The following RASGEF1A variants were observed in gnomAD, a reference collection of about 807,000 sequenced individuals.
The protein encoded by RASGEF1A is RasGEF domain family member 1A, also known as ras-GEF domain-containing family member 1A.
RASGEF1A carries 18 observed loss-of-function variants against 56.4 expected under a neutral mutation model. That is an observed-to-expected ratio of 0.32 (90% CI 0.22 to 0.47). The LOEUF is 0.47. RASGEF1A is among the 20% of genes least tolerant of loss of function. RASGEF1A has a pLI of 1.00. For synonymous variants in RASGEF1A, 245 were observed against 242.6 expected, an observed-to-expected ratio of 1.01 and a Z score of -0.09; for missense variants, 422 against 627.1, an observed-to-expected ratio of 0.67 and a Z score of 3.49.
chr10:43,218,391 G>T (rs1447806115), intron 1 of RASGEF1A, among the ~76,000 whole-genome samples: 3 of 152,266 alleles, frequency 2.0e-5, no homozygotes, highest in African/African-American at 4.8e-5. Flanking sequence ...TCCCAGGCAT[G>T]GGGGACTCAG....
chr10:43,265,718 G>A (rs150331146), intron 1 of RASGEF1A, among the ~76,000 whole-genome samples: 39 of 152,374 alleles, frequency 2.6e-4, no homozygotes, highest in African/African-American at 9.4e-4. Context: ...CGTGGTTCAC[G>A]AATCAAGACC....
chr10:43,233,270 T>C (rs1840394243), intron 1 of RASGEF1A, among the ~76,000 whole-genome samples: 1 of 152,206 alleles, frequency 6.6e-6, no homozygotes, highest in Admixed American at 6.5e-5. Context: ...AACATGTCTA[T>C]GCACAGAGGC....
chr10:43,239,012 A>C (rs752332090), intron 1 of RASGEF1A, among the ~76,000 whole-genome samples: 3 of 152,184 alleles, frequency 2.0e-5, no homozygotes, highest in African/African-American at 4.8e-5. Context: ...TATTCATTCT[A>C]ATCAGTGGTG....
intron 1 of RASGEF1A, among the ~76,000 whole-genome samples, chr10:43,214,758 G>A (rs1840111501): frequency 6.6e-6 from 1 of 152,202 alleles, no homozygotes; most frequent in South Asian, 2.1e-4. Flanking sequence ...TCCAAAGCAG[G>A]GATTAACCTT....
At chr10:43,235,815 C>T (rs763317701) in intron 1 of RASGEF1A, among the ~76,000 whole-genome samples, 1 of 151,904 alleles carries the variant, frequency 6.6e-6, no homozygotes, top group South Asian at 2.1e-4. Context: ...ATGCCCAGCA[C>T]AATGGGACCC....
At chr10:43,249,466 G>T (rs1419502068) in intron 1 of RASGEF1A, among the ~76,000 whole-genome samples, 1 of 152,224 alleles carries the variant, frequency 6.6e-6, no homozygotes, top group Admixed American at 6.5e-5. Context: ...CACTTCCGTG[G>T]CTCCAAGAAG....
chr10:43,230,728 C>T (rs1377895954), intron 1 of RASGEF1A, among the ~76,000 whole-genome samples: 1 of 152,198 alleles, frequency 6.6e-6, no homozygotes, highest in Non-Finnish European at 1.5e-5. Context: ...CCCCAGGATG[C>T]CCATACCCTC....
At chr10:43,197,810 C>T (rs1223362863) in intron 10 of RASGEF1A, among the ~76,000 whole-genome samples, 194 bp downstream of exon 10, 1 of 152,212 alleles carries the variant, frequency 6.6e-6, no homozygotes, top group Non-Finnish European at 1.5e-5. Flanking sequence ...CCCAGAAGTA[C>T]CGGCAGGCGC....
At chr10:43,260,987 A>C (rs898719214) in intron 1 of RASGEF1A, among the ~76,000 whole-genome samples, 11 of 152,144 alleles carry the variant, frequency 7.2e-5, no homozygotes, top group African/African-American at 2.7e-4. Flanking sequence ...TTGTGCGGGC[A>C]TCTCCGAGCC....
intron 1 of RASGEF1A, among the ~76,000 whole-genome samples, chr10:43,256,435 A>G (rs1010708706): frequency 6.6e-6 from 1 of 152,120 alleles, no homozygotes; most frequent in African/African-American, 2.4e-5. Flanking sequence ...CAGGAACCTC[A>G]GGGAAAGAAA....
At chr10:43,234,975 T>C (rs61845680) in intron 1 of RASGEF1A, among the ~76,000 whole-genome samples, 6,963 of 152,268 alleles carry the variant, frequency 0.046, 217 homozygotes, top group Middle Eastern at 0.11. Flanking sequence ...CAGAGGCCAC[T>C]GATGGCCCTA....
intron 1 of RASGEF1A, among the ~76,000 whole-genome samples, chr10:43,251,940 C>T (rs904866086): frequency 3.3e-5 from 5 of 152,312 alleles, no homozygotes; most frequent in Admixed American, 1.3e-4. Context: ...CCCAACAAGA[C>T]GGACCCCTGG....
chr10:43,200,603 T>C (rs1839879009), intron 5 of RASGEF1A, 64 bp downstream of exon 5: 3 of 1,437,312 alleles, frequency 2.1e-6, no homozygotes, highest in African/African-American at 2.8e-5. Context: ...TGAAGTGCTG[T>C]GCTGAAAGAG....
intron 2 of RASGEF1A, 77 bp downstream of exon 2, chr10:43,205,842 C>A (rs969963292): frequency 8.2e-7 from 1 of 1,225,034 alleles, no homozygotes; most frequent in South Asian, 1.3e-5. Flanking sequence ...TCTGTGGGGG[C>A]CTCCCTCCCA....
chr10:43,264,739 G>T (rs534832981), intron 1 of RASGEF1A, among the ~76,000 whole-genome samples: 1 of 152,024 alleles, frequency 6.6e-6, no homozygotes, highest in African/African-American at 2.4e-5. Flanking sequence ...CTATGCCCCT[G>T]GCACCTACCC....
chr10:43,251,562 G>T (rs536066206), intron 1 of RASGEF1A, among the ~76,000 whole-genome samples: 1 of 152,190 alleles, frequency 6.6e-6, no homozygotes, highest in African/African-American at 2.4e-5. Flanking sequence ...GACGCCAGCC[G>T]CTGTGAAAAT....
intron 1 of RASGEF1A, among the ~76,000 whole-genome samples, chr10:43,226,439 AAAAAG>A (rs1177832669): frequency 6.6e-6 from 1 of 152,120 alleles, no homozygotes; most frequent in Non-Finnish European, 1.5e-5. Context: ...TCTGTCTCAA[AAAAAG>A]AAAAGAAAAG....
In RASGEF1A at chr10:43,198,007, A is replaced by G. The variant is rs1320981617; in HGVS notation, c.1221T>C (p.Phe407=). 2 of 1,609,990 alleles carry G rather than the reference A, an allele frequency of 1.2e-6. No homozygotes were observed. Among genetic ancestry groups the G allele is most frequent in the East Asian group, 4.5e-5 (2 of 44,764 alleles). The part of the protein sequence containing the change: ...TNHLPNGHIN[F]KKFWEISRQI... Reference sequence around the variant, plus strand: ...CCCTGTGCTGGGATGAGCTCACCTTAAAGTTAATGTGCCCGTTGGGCAGGT... The same window carrying G: ...CCCTGTGCTGGGATGAGCTCACCTTGAAGTTAATGTGCCCGTTGGGCAGGT... The change falls in exon 10 of 13, where the codon TTT becomes TTC. Residue 407 remains phenylalanine (F), a synonymous_variant. Coordinates refer to ENST00000395810, the MANE Select transcript of RASGEF1A (RefSeq NM_145313.4).
intron 1 of RASGEF1A, among the ~76,000 whole-genome samples, chr10:43,249,463 G>A (rs534761694): frequency 9.9e-5 from 15 of 152,206 alleles, no homozygotes; most frequent in Admixed American, 5.2e-4. Flanking sequence ...AAGCACTTCC[G>A]TGGCTCCAAG....
Sources: allele counts gnomAD v4.1 joint callset (sites outside exome capture counted in the v4.1 genomes callset), GRCh38; gene constraint gnomAD v4.1.1; transcripts MANE v1.5; gene names NCBI Gene and HGNC (gene_info 2026-07-23, HGNC 2026-07-21).